Variants in PUM1 observed in about 807,000 individuals in gnomAD.
PUM1 encodes pumilio homolog 1.
In PUM1, 13 loss-of-function variants were observed where a neutral mutation model predicts 131.8. The ratio of observed to expected loss-of-function variants is 0.10; its 90% CI spans 0.06 to 0.16. The LOEUF (loss-of-function observed/expected upper bound fraction) is 0.16. Ranked by LOEUF, PUM1 falls within the 10% of genes least tolerant of loss-of-function variation. The pLI is 1.00. For missense variants in PUM1, 961 were observed against 1,512.4 expected (o/e 0.64, Z 6.05); for synonymous variants, 509 against 556.5 (o/e 0.91, Z 1.20).
At chr1:31,030,732 A>G (rs1643399529) in intron 2 of PUM1, among the ~76,000 whole-genome samples, 1 of 151,936 alleles carries the variant, frequency 6.6e-6, no homozygotes, top group African/African-American at 2.4e-5. Context: ...GGATTTAATA[A>G]CATGCTGCCT....
Position 31,033,376 on chromosome 1 carries a change from C to CTTT in PUM1, c.364-4515_364-4513dup, listed in dbSNP as rs748444500. 3.1e-3 allele frequency among the ~76,000 whole-genome samples: 319 copies of CTTT among 102,496 alleles called. 29 individuals are homozygous for CTTT. Among genetic ancestry groups the CTTT allele is most frequent in the East Asian group, 0.025 (51 of 2,018 alleles). The allele number at this position is 102,496 out of a possible 152,430, so 67.2% of individuals were successfully genotyped here. A position where few individuals can be genotyped will look rare whatever the true frequency, so the allele number is the denominator to read the frequency against. On this transcript the variant is annotated intron_variant, in intron 2 of 21. Transcript: ENST00000426105. Reference sequence around the variant, plus strand: ...TGTGCCACCACATCCAGCTAATTTTCTTTTTTTTTTTTTTTTTTTTTTTTT... The same window carrying CTTT: ...TGTGCCACCACATCCAGCTAATTTTCTTTTTTTTTTTTTTTTTTTTTTTTTTTT...
Position 30,932,368 on chromosome 1 carries a change from T to C in PUM1, c.*843A>G, listed in dbSNP as rs1017388433. 3 of 152,458 alleles carry C rather than the reference T, an allele frequency of 2.0e-5. No homozygotes were observed. Among genetic ancestry groups the C allele is most frequent in the South Asian group, 2.1e-4 (1 of 4,826 alleles). 9.4% of individuals were successfully genotyped at this position (152,458 alleles called of 1,614,324 possible). ...CAAAGTCTACACCAAGTATACACTA[T>C]ATATTTATAGAAGCAAGACCAAAAG... On this transcript the variant is annotated 3_prime_UTR_variant, in exon 22 of 22. Coordinates refer to ENST00000426105, the MANE Select transcript of PUM1 (RefSeq NM_001020658.2).
intron 3 of PUM1, among the ~76,000 whole-genome samples, chr1:31,013,970 C>T (rs1642716410): frequency 6.6e-6 from 1 of 152,078 alleles, no homozygotes; most frequent in Non-Finnish European, 1.5e-5. Flanking sequence ...TCCTGGTTAG[C>T]GTAATTCTTT....
At chr1:31,027,760 G>C (rs1356189239) in intron 3 of PUM1, among the ~76,000 whole-genome samples, 8 of 152,202 alleles carry the variant, frequency 5.3e-5, no homozygotes, top group African/African-American at 1.9e-4. Flanking sequence ...ACTCAGAAGA[G>C]TAATTATCCT....
At position 30,966,112 on chromosome 1, in the gene PUM1, G is replaced by A; in HGVS notation, c.1956C>T (p.Asn652=). The change falls in exon 13 of 22, where the codon AAC becomes AAT. Residue 652 remains asparagine (N), a synonymous_variant. Transcript: ENST00000426105. The part of the protein sequence containing the change: ...SSSFYGNNSL[N]SNSQSSSLFS... ...AGAGGGAGCTGCTCTGTGAATTGCT[G>A]TTCAGAGAGTTGTTGCCGTAGAAAG... is the stretch of plus-strand genomic sequence containing the variant. The A allele has an allele frequency of 6.2e-7, 1 of 1,614,170 alleles. No individual in the cohort carries two copies. Among genetic ancestry groups the A allele is most frequent in the South Asian group, 1.1e-5 (1 of 91,084 alleles).
chr1:31,027,311 A>C (rs139351151), intron 3 of PUM1, among the ~76,000 whole-genome samples: 10 of 152,306 alleles, frequency 6.6e-5, no homozygotes, highest in African/African-American at 2.2e-4. Context: ...AAACACCTGG[A>C]ATTGGATTTT....
At position 30,947,778 on chromosome 1, in the gene PUM1, TATC is replaced by T. The variant is rs547770552; in HGVS notation, c.2857-2298_2857-2296del. On this transcript the variant is annotated intron_variant, in intron 17 of 21. Coordinates refer to ENST00000426105, the MANE Select transcript of PUM1 (RefSeq NM_001020658.2). The stretch of plus-strand genomic sequence containing the variant: ...GTTGAGTACCTCAAAGCAACTAAGA[TATC>T]ATCTAATTAAATTAAAGATTACACT... 1.8e-4 allele frequency among the ~76,000 whole-genome samples: 28 copies of T among 152,136 alleles called. No homozygotes were observed. The South Asian group carries it at 3.3e-3, about 18-fold the overall frequency.
At chr1:30,936,870 A>T (rs760060759) in intron 20 of PUM1, 35 bp from the exon 21 acceptor site, 2 of 1,526,026 alleles carry the variant, frequency 1.3e-6, no homozygotes, top group Non-Finnish European at 1.8e-6. Context: ...AACTCTTACA[A>T]GAGAGGCCCC....
At chr1:30,941,797 G>T in intron 19 of PUM1, 1 of 496,232 alleles carries the variant, frequency 2.0e-6, no homozygotes, top group East Asian at 5.1e-5. Context: ...CAGATCTCCT[G>T]ACTCCAGGGC....
chr1:30,951,831 G>C (rs756093729), intron 16 of PUM1, among the ~76,000 whole-genome samples: 2 of 152,214 alleles, frequency 1.3e-5, no homozygotes, highest in East Asian at 3.8e-4. Context: ...TGGAGTCGGT[G>C]TCCAAAGACA....
rs1639423230 is a variant in PUM1 at position 30,941,071 on chromosome 1, A to G, written c.3242+80T>C. The G allele has an allele frequency of 1.7e-5, 24 of 1,419,536 alleles. 1 individual carries two copies. The highest frequency in any genetic ancestry group is 1.9e-5 in the Non-Finnish European group (20 of 1,048,750). The allele number at this position is 1,419,536 out of a possible 1,614,324, so 87.9% of individuals were successfully genotyped here. On this transcript the variant is annotated intron_variant, in intron 20 of 21. Coordinates refer to ENST00000426105, the MANE Select transcript of PUM1 (RefSeq NM_001020658.2). Reference sequence around the variant, plus strand: ...TGAAAACAACAACAACAACAACAACATTAAAAAATAAGATAATTATAGTTC... The same window carrying G: ...TGAAAACAACAACAACAACAACAACGTTAAAAAATAAGATAATTATAGTTC...
At chr1:31,048,268 A>T (rs899606153) in intron 2 of PUM1, among the ~76,000 whole-genome samples, 1 of 151,298 alleles carries the variant, frequency 6.6e-6, no homozygotes, top group African/African-American at 2.4e-5. Context: ...AATAAAAAAT[A>T]AAAAAAAGAA....
intron 20 of PUM1, among the ~76,000 whole-genome samples, chr1:30,939,536 T>C (rs1161052336): frequency 6.6e-6 from 1 of 152,198 alleles, no homozygotes; most frequent in Non-Finnish European, 1.5e-5. Flanking sequence ...AAATAAGAAA[T>C]TTCCCCAGTG....
chr1:31,004,700 G>A (rs1004781094), intron 5 of PUM1, among the ~76,000 whole-genome samples: 3 of 152,146 alleles, frequency 2.0e-5, no homozygotes, highest in Non-Finnish European at 2.9e-5. Flanking sequence ...ACTTGAGAAA[G>A]CTGCACCAAA....
chr1:30,954,120 A>G lies in PUM1; in HGVS notation c.2324-139T>C, dbSNP rs958168135. On this transcript the variant is annotated intron_variant, in intron 14 of 21. Transcript: ENST00000426105. ...GTTGTTTTTGTGTCAAGACAATTCT[A>G]TTAGCGTCATGACTTTCGTGGGTCA... 11 of 918,100 alleles carry G rather than the reference A, an allele frequency of 1.2e-5. No homozygotes were observed. In the Admixed American group the frequency reaches 3.1e-4, roughly 26 times the overall value. The allele number at this position is 918,100 out of a possible 1,614,324, so 56.9% of individuals were successfully genotyped here. A position where few individuals can be genotyped will look rare whatever the true frequency, so the allele number is the denominator to read the frequency against.
intron 5 of PUM1, 30 bp downstream of exon 5, chr1:31,005,823 G>T: frequency 2.2e-6 from 3 of 1,378,250 alleles, no homozygotes; most frequent in South Asian, 1.5e-5. Flanking sequence ...GAGAGAGAGA[G>T]ATAGGAACAA....
At chr1:30,960,231 C>G (rs1223848220) in intron 14 of PUM1, among the ~76,000 whole-genome samples, 1 of 152,184 alleles carries the variant, frequency 6.6e-6, no homozygotes. Context: ...TGAATTATAT[C>G]TACCAGCTGA....
At chr1:30,966,416 T>A in intron 12 of PUM1, 138 bp from the exon 13 acceptor site, 1 of 835,040 alleles carries the variant, frequency 1.2e-6, no homozygotes, top group Non-Finnish European at 1.8e-6. Flanking sequence ...AATCTGTCTT[T>A]GATCCCTTCA....
In PUM1 at chr1:31,059,462, A is replaced by C; in HGVS notation, c.105T>G (p.Pro35=). 6.2e-7 allele frequency: 1 copy of C among 1,614,176 alleles called. No homozygotes were observed. The highest frequency in any genetic ancestry group is 2.2e-5 in the East Asian group (1 of 44,884). Residue 35 remains proline (P), a synonymous_variant, in exon 2 of 22, where the codon CCT becomes CCG. Transcript: ENST00000426105. ...ACCCTGTTCCAGATGTCAAAACAAC[A>C]GGCATGTTGGGATTAGCTGGTTCTT... is the stretch of plus-strand genomic sequence containing the variant. ...HPQEPANPNM[P]VVLTSGTGSQ...
Sources: allele counts gnomAD v4.1 joint callset (sites outside exome capture counted in the v4.1 genomes callset), GRCh38; gene constraint gnomAD v4.1.1; transcripts MANE v1.5; gene names NCBI Gene and HGNC (gene_info 2026-07-23, HGNC 2026-07-21).